ZC3H7A: variants seen among roughly 807,000 people sequenced by gnomAD.
ZC3H7A encodes zinc finger CCCH-type containing 7A, also known as zinc finger CCCH domain-containing protein 7A.
ZC3H7A carries 44 observed loss-of-function variants against 125.5 expected under a neutral mutation model. That is an observed-to-expected ratio of 0.35 (90% CI 0.28 to 0.45). The LOEUF (loss-of-function observed/expected upper bound fraction) is 0.45, where lower values mean the gene tolerates loss of function less well. Among genes scored for constraint, ZC3H7A ranks in the 20% least tolerant of loss-of-function variants. The pLI, the probability that ZC3H7A is intolerant of heterozygous loss-of-function variation, is 1.00. For missense variants in ZC3H7A, 977 were observed against 1,170.7 expected, an observed-to-expected ratio of 0.83 and a Z score of 2.41; for synonymous variants, 399 against 391.2, an observed-to-expected ratio of 1.02 and a Z score of -0.23.
intron 13 of ZC3H7A, among the ~76,000 whole-genome samples, 185 bp downstream of exon 13, chr16:11,767,232 G>C (rs1454872461): frequency 6.6e-6 from 1 of 152,132 alleles, no homozygotes; most frequent in African/African-American, 2.4e-5. Context: ...CTGTAGTTTA[G>C]GAGCCACTGA....
Position 11,751,481 on chromosome 16 carries a change from C to T in ZC3H7A, c.2752G>A (p.Gly918Arg). ...CCATGTGCAAATTTACAGCTGTTTCCTTCTGGGCAGGTGCCATTCATATAC... is the reference window on the plus strand; with the variant it reads ...CCATGTGCAAATTTACAGCTGTTTCTTTCTGGGCAGGTGCCATTCATATAC... ...DRYMNGTCPE[G>R]NSCKFAHGNA... Residue 918 changes from glycine (G) to arginine (R), a missense_variant, in exon 23 of 23, where the codon GGA becomes AGA. Transcript: ENST00000355758. The T allele has an allele frequency of 6.2e-7, 1 of 1,614,056 alleles. No homozygotes were observed. The highest frequency in any genetic ancestry group is 1.3e-5 in the African/African-American group (1 of 75,030).
rs1370573228 is a variant in ZC3H7A, at chr16:11,765,302, C to T, written c.1720-149G>A. 6 of 654,048 alleles carry T rather than the reference C, an allele frequency of 9.2e-6. No individual in the cohort carries two copies. The highest frequency in any genetic ancestry group is 1.4e-5 in the Non-Finnish European group (6 of 420,570). 40.5% of individuals were successfully genotyped at this position (654,048 alleles called of 1,614,324 possible). ...TGGTAACAGTAATAGCCAACATTTACTGAATGAATGTTTTATCACATGGGA... is the reference window on the plus strand; with the variant it reads ...TGGTAACAGTAATAGCCAACATTTATTGAATGAATGTTTTATCACATGGGA... On this transcript the variant is annotated intron_variant, in intron 14 of 22. Transcript: ENST00000355758. The surrounding 1 kb of genome is among the most constrained non-coding windows in gnomAD (Gnocchi z 4.8).
At chr16:11,795,046 A>G (rs1049855377) in intron 1 of ZC3H7A, among the ~76,000 whole-genome samples, 3 of 152,202 alleles carry the variant, frequency 2.0e-5, no homozygotes, top group African/African-American at 4.8e-5. Flanking sequence ...ACAAATATTG[A>G]TAATATTGAG....
At chr16:11,774,727 G>A (rs1401181254) in intron 8 of ZC3H7A, among the ~76,000 whole-genome samples, 1 of 152,134 alleles carries the variant, frequency 6.6e-6, no homozygotes, top group Non-Finnish European at 1.5e-5. Context: ...TCTCTCTTTG[G>A]GCACAGCTAT....
Position 11,789,573 on chromosome 16 carries a change from T to C in ZC3H7A, c.-34-7185A>G, listed in dbSNP as rs948320514. ...CCGGCCGTGCATATGTTCTTTTTTATTCAAACTGGAGCTACCAGTGAGTTC... is the reference window on the plus strand; with the variant it reads ...CCGGCCGTGCATATGTTCTTTTTTACTCAAACTGGAGCTACCAGTGAGTTC... On this transcript the variant is annotated intron_variant, in intron 1 of 22. Coordinates refer to ENST00000355758, the MANE Select transcript of ZC3H7A (RefSeq NM_014153.4). 1.3e-4 allele frequency among the ~76,000 whole-genome samples: 20 copies of C among 152,278 alleles called. 1 individual carries two copies. In the East Asian group the frequency reaches 2.5e-3, roughly 19 times the overall value.
Position 11,774,480 on chromosome 16 carries a change from G to A in ZC3H7A, c.659C>T (p.Ser220Phe), listed in dbSNP as rs1257507573. The A allele has an allele frequency of 6.3e-7, 1 of 1,577,926 alleles. No homozygotes were observed. Among genetic ancestry groups the A allele is most frequent in the Admixed American group, 1.8e-5 (1 of 55,524 alleles). Reference protein sequence around the residue: ...TPRQEAVPVVSLPAPSFSHEV... With the variant: ...TPRQEAVPVVFLPAPSFSHEV... ...ATGAGAAAAACTGGGTGCCGGTAAA[G>A]AGACAACAGGAACTGCTTCTTGCCT... Residue 220 changes from serine to phenylalanine, a missense_variant, in exon 9 of 23, where the codon TCT becomes TTT. Physicochemically the swap from Ser to Phe is radical, Grantham distance 155. Transcript: ENST00000355758.
At chr16:11,795,665 G>T (rs2053425528) in intron 1 of ZC3H7A, among the ~76,000 whole-genome samples, 1 of 151,920 alleles carries the variant, frequency 6.6e-6, no homozygotes, top group South Asian at 2.1e-4. Flanking sequence ...CGGAATTCCT[G>T]ACCTCAGGTG....
intron 12 of ZC3H7A, among the ~76,000 whole-genome samples, chr16:11,767,870 A>G (rs2052888924): frequency 6.6e-6 from 1 of 152,248 alleles, no homozygotes; most frequent in Non-Finnish European, 1.5e-5. Context: ...AAATCAGAAT[A>G]AACTGTGTTT....
rs777345666 is a variant in ZC3H7A at position 11,751,057 on chromosome 16, A to G, written c.*260T>C. ...AGATATAACCTTATCCTCTTCCCCA[A>G]CACACTTCATCCAAAAGTCTGTTCA... On this transcript the variant is annotated 3_prime_UTR_variant, in exon 23 of 23. Coordinates refer to ENST00000355758, the MANE Select transcript of ZC3H7A (RefSeq NM_014153.4). 2 of 360,156 alleles carry G rather than the reference A, an allele frequency of 5.6e-6. No homozygotes were observed. Among genetic ancestry groups the G allele is most frequent in the Non-Finnish European group, 1.0e-5 (2 of 198,118 alleles). The allele number at this position is 360,156 out of a possible 1,614,324, so 22.3% of individuals were successfully genotyped here. A position where few individuals can be genotyped will look rare whatever the true frequency, so the allele number is the denominator to read the frequency against.
chr16:11,782,214 C>A, intron 2 of ZC3H7A, 73 bp downstream of exon 2: 1 of 1,544,746 alleles, frequency 6.5e-7, no homozygotes, highest in Non-Finnish European at 8.9e-7. Context: ...AAGAGTTCTT[C>A]CTCTCCACAA....
chr16:11,765,720 A>G lies in ZC3H7A; in HGVS notation c.1523-35T>C, dbSNP rs1028142969. 8.2e-6 allele frequency: 13 copies of G among 1,592,992 alleles called. No homozygotes were observed. In the African/African-American group the frequency reaches 1.7e-4, roughly 21 times the overall value. Reference sequence around the variant, plus strand: ...CAGGGAATGGACAGACATTGAAAACATGGCAATTGGCCTGTACTCCCAGCT... The same window carrying G: ...CAGGGAATGGACAGACATTGAAAACGTGGCAATTGGCCTGTACTCCCAGCT... On this transcript the variant is annotated intron_variant, in intron 13 of 22. Transcript: ENST00000355758. This position sits in a 1 kb window ranked among gnomAD's most constrained non-coding sequence, Gnocchi z 4.8.
chr16:11,794,474 C>G (rs1312271979), intron 1 of ZC3H7A, among the ~76,000 whole-genome samples: 2 of 152,130 alleles, frequency 1.3e-5, no homozygotes, highest in Admixed American at 1.3e-4. Context: ...AAAATTTCTT[C>G]TTGATTTGCC....
chr16:11,772,717 G>A (rs985144851), intron 9 of ZC3H7A, among the ~76,000 whole-genome samples: 2 of 146,286 alleles, frequency 1.4e-5, no homozygotes, highest in Non-Finnish European at 3.0e-5. Flanking sequence ...TTTTTTTTGA[G>A]ACAGAGTATT....
chr16:11,777,077 T>C (rs1004566806), intron 4 of ZC3H7A, among the ~76,000 whole-genome samples, 168 bp from the exon 5 acceptor site: 1 of 152,176 alleles, frequency 6.6e-6, no homozygotes, highest in Non-Finnish European at 1.5e-5. Flanking sequence ...AAATTTCAAA[T>C]ACAAAAAAGT....
intron 15 of ZC3H7A, 27 bp from the exon 16 acceptor site, chr16:11,763,686 T>A (rs768852778): frequency 7.3e-7 from 1 of 1,369,752 alleles, no homozygotes; most frequent in South Asian, 1.5e-5. Context: ...GACATTTTAA[T>A]ATTGTTCTGC....
intron 16 of ZC3H7A, 180 bp downstream of exon 16, chr16:11,763,298 G>T: frequency 2.2e-6 from 1 of 464,400 alleles, no homozygotes; most frequent in Non-Finnish European, 3.7e-6. Context: ...TGTAGAGATG[G>T]GGATTTTGCC....
chr16:11,765,834 G>A lies in ZC3H7A; in HGVS notation c.1523-149C>T. 1.8e-6 allele frequency: 1 copy of A among 553,444 alleles called. No individual in the cohort carries two copies. The highest frequency in any genetic ancestry group is 3.0e-6 in the Non-Finnish European group (1 of 335,724). 34.3% of individuals were successfully genotyped at this position (553,444 alleles called of 1,614,324 possible). The stretch of plus-strand genomic sequence containing the variant: ...ATCTTGCCACTGCACTCCAGCCTGG[G>A]CAACAGAGCAAGTCCCAGTGTCAAA... On this transcript the variant is annotated intron_variant, in intron 13 of 22. Transcript: ENST00000355758. The surrounding 1 kb of genome is among the most constrained non-coding windows in gnomAD (Gnocchi z 4.8).
intron 1 of ZC3H7A, among the ~76,000 whole-genome samples, chr16:11,785,661 G>A (rs189670034): frequency 1.6e-3 from 238 of 151,256 alleles, no homozygotes; most frequent in Non-Finnish European, 2.4e-3. Flanking sequence ...CACTTGTCAC[G>A]CAGGCTGGAG....
chr16:11,774,829 G>C (rs773403694), intron 8 of ZC3H7A, 151 bp downstream of exon 8: 71 of 995,116 alleles, frequency 7.1e-5, no homozygotes, highest in Non-Finnish European at 1.0e-4. Flanking sequence ...AAGGCACAAA[G>C]GGAGCATTGG....
Sources: allele counts gnomAD v4.1 joint callset (sites outside exome capture counted in the v4.1 genomes callset), GRCh38; gene constraint gnomAD v4.1.1; non-coding constraint Gnocchi (gnomAD v3.1); transcripts MANE v1.5; gene names NCBI Gene and HGNC (gene_info 2026-07-23, HGNC 2026-07-21).